Variants in TSKU observed in about 807,000 individuals in gnomAD.
The protein encoded by TSKU is tsukushi.
Under a neutral mutation model 11.2 loss-of-function variants are expected in TSKU, and 4 were observed. The ratio of observed to expected loss-of-function variants is 0.36; its 90% CI spans 0.18 to 0.82. TSKU has a LOEUF of 0.82. Among genes scored for constraint, TSKU ranks in the 40% least tolerant of loss-of-function variants. The pLI is 0.50. For synonymous variants in TSKU, 220 were observed against 232.2 expected (o/e 0.95, Z 0.48); for missense variants, 407 against 482.5 (o/e 0.84, Z 1.47).
At chr11:76,791,902 G>A (rs893914518) in intron 1 of TSKU, 2 of 152,270 alleles carry the variant, frequency 1.3e-5, no homozygotes, top group African/African-American at 4.8e-5. Context: ...GGAAATGTGG[G>A]GTTGGAGTAG....
intron 1 of TSKU, among the ~76,000 whole-genome samples, chr11:76,792,981 G>A (rs770786528): frequency 6.6e-5 from 10 of 152,322 alleles, no homozygotes; most frequent in Admixed American, 2.0e-4. Flanking sequence ...GTGACTGTGC[G>A]GACTAAATGA....
At position 76,797,008 on chromosome 11, in the gene TSKU, A is replaced by T; in HGVS notation, c.*330A>T. The stretch of plus-strand genomic sequence containing the variant: ...TGGGCCGGCCTGACCCGCAATGGGC[A>T]GAGGGTGGGTGGGACCCCCTGCTGC... On this transcript the variant is annotated 3_prime_UTR_variant, in exon 2 of 2. Transcript: ENST00000333090. 4 of 211,706 alleles carry T rather than the reference A, an allele frequency of 1.9e-5. No homozygotes were observed. Among genetic ancestry groups the T allele is most frequent in the Admixed American group, 5.6e-5 (1 of 17,912 alleles). 13.1% of individuals were successfully genotyped at this position (211,706 alleles called of 1,614,324 possible). A position where few individuals can be genotyped will look rare whatever the true frequency, so the allele number is the denominator to read the frequency against.
At chr11:76,782,645 A>T (rs1944247859), upstream of TSKU, 1 of 150,164 alleles carries the variant, frequency 6.7e-6, no homozygotes, top group Admixed American at 6.7e-5. Flanking sequence ...CTGCCTACTC[A>T]CACGCCAGTT....
At chr11:76,785,572 G>T (rs986640967) in intron 1 of TSKU, among the ~76,000 whole-genome samples, 1 of 152,188 alleles carries the variant, frequency 6.6e-6, no homozygotes, top group East Asian at 1.9e-4. Flanking sequence ...CAGCACAGGT[G>T]GTCAGCATGG....
chr11:76,796,139 C>T lies in TSKU; in HGVS notation c.523C>T (p.His175Tyr). Residue 175 changes from histidine to tyrosine, a missense_variant, in exon 2 of 2, where the codon CAC becomes TAC. Coordinates refer to ENST00000333090, the MANE Select transcript of TSKU (RefSeq NM_015516.4). This position sits in a 1 kb window ranked among gnomAD's most constrained non-coding sequence, Gnocchi z 4.1. ...SHNLIHRLVP[H>Y]PTRAGLPAPT... ...CAACCTCATTCACCGCCTCGTGCCC[C>T]ACCCCACGAGGGCCGGCCTGCCTGC... 2 of 1,613,858 alleles carry T rather than the reference C, an allele frequency of 1.2e-6. No homozygotes were observed. Among genetic ancestry groups the T allele is most frequent in the Non-Finnish European group, 1.7e-6 (2 of 1,180,030 alleles).
chr11:76,795,518 CT>C (rs775061839), intron 1 of TSKU, 90 bp from the exon 2 acceptor site: 11 of 1,475,252 alleles, frequency 7.5e-6, no homozygotes, highest in Non-Finnish European at 1.0e-5. Context: ...TCTGTGACAC[CT>C]TCCAACAGTG....
intron 1 of TSKU, among the ~76,000 whole-genome samples, chr11:76,788,337 G>A (rs1203434145): frequency 1.3e-5 from 2 of 152,096 alleles, no homozygotes; most frequent in Admixed American, 1.3e-4. Flanking sequence ...CAGAGATGCT[G>A]TAGTGCAGCA....
intron 1 of TSKU, among the ~76,000 whole-genome samples, chr11:76,793,879 C>T (rs1944406620): frequency 6.6e-6 from 1 of 152,118 alleles, no homozygotes; most frequent in Non-Finnish European, 1.5e-5. Flanking sequence ...TGGGCAAAGC[C>T]AGAGTGCAGA....
chr11:76,793,878 C>T (rs999749503), intron 1 of TSKU, among the ~76,000 whole-genome samples: 1 of 152,058 alleles, frequency 6.6e-6, no homozygotes, highest in Non-Finnish European at 1.5e-5. Context: ...CTGGGCAAAG[C>T]CAGAGTGCAG....
rs1248115880 is a variant in TSKU, at chr11:76,796,232, C to T, written c.616C>T (p.Pro206Ser). 1.2e-6 allele frequency: 2 copies of T among 1,613,638 alleles called. No homozygotes were observed. The highest frequency in any genetic ancestry group is 1.7e-5 in the Admixed American group (1 of 60,020). The change falls in exon 2 of 2, where the codon CCC becomes TCC. Residue 206 changes from proline to serine, a missense_variant. Transcript: ENST00000333090. This position sits in a 1 kb window ranked among gnomAD's most constrained non-coding sequence, Gnocchi z 4.1. ...TGCCGTGCCCAACCTCCGAGACTTG[C>T]CCCTGCGCTACCTGAGCCTGGATGG... The part of the protein sequence containing the change: ...LHAVPNLRDL[P>S]LRYLSLDGNP...
chr11:76,792,363 A>T (rs1311324234), intron 1 of TSKU: 1 of 152,244 alleles, frequency 6.6e-6, no homozygotes, highest in Non-Finnish European at 1.5e-5. Context: ...GACTTGTCTC[A>T]GATGAGACAT....
rs148755881 is a variant in TSKU at position 76,786,936 on chromosome 11, CT to C, written c.-9+3534del. On this transcript the variant is annotated intron_variant, in intron 1 of 1. Coordinates refer to ENST00000333090, the MANE Select transcript of TSKU (RefSeq NM_015516.4). ...ATTCTTCTCCATCTTCAGCCCCTGC[CT>C]TCCCTCAGGATTTGCTGGTGTCACA... 2.8e-3 allele frequency among the ~76,000 whole-genome samples: 431 copies of C among 152,308 alleles called. 9 individuals are homozygous for C. In the East Asian group the frequency reaches 0.066, roughly 23 times the overall value.
At chr11:76,784,021 G>GCCCTCC (rs979715181) in intron 1 of TSKU, 2 of 152,290 alleles carry the variant, frequency 1.3e-5, no homozygotes, top group Admixed American at 6.5e-5. Flanking sequence ...GGCGCAGACA[G>GCCCTCC]CCCTCCCCCT....
At chr11:76,785,153 G>A (rs2134383905) in intron 1 of TSKU, among the ~76,000 whole-genome samples, 1 of 152,334 alleles carries the variant, frequency 6.6e-6, no homozygotes, top group East Asian at 1.9e-4. Context: ...TCCAACACCA[G>A]GAAAGGCAAA....
At chr11:76,784,751 G>A (rs890573693) in intron 1 of TSKU, among the ~76,000 whole-genome samples, 5 of 135,178 alleles carry the variant, frequency 3.7e-5, no homozygotes, top group South Asian at 2.3e-4. Flanking sequence ...GGAGGTGGGG[G>A]GGGGGGGGTG....
chr11:76,782,305 C>T (rs1316747103), upstream of TSKU: 1 of 150,886 alleles, frequency 6.6e-6, no homozygotes, highest in African/African-American at 2.4e-5. Flanking sequence ...TGGGCCACTG[C>T]AGGAGGTACA....
chr11:76,786,757 G>T lies in TSKU; in HGVS notation c.-9+3353G>T, dbSNP rs577482728. On this transcript the variant is annotated intron_variant, in intron 1 of 1. Coordinates refer to ENST00000333090, the MANE Select transcript of TSKU (RefSeq NM_015516.4). ...ATGCTGAGCCCTCATTCTGTCACAG[G>T]CAACACAGCAGCTTTTGCCTGCTTT... Among the ~76,000 whole-genome samples, 38 of 152,318 alleles carry T rather than the reference G, an allele frequency of 2.5e-4. 2 individuals carry two copies. In the South Asian group the frequency reaches 7.7e-3, roughly 31 times the overall value.
At chr11:76,787,736 T>C (rs1149617) in intron 1 of TSKU, among the ~76,000 whole-genome samples, 21,338 of 151,808 alleles carry the variant, frequency 0.14, 2,026 homozygotes, top group East Asian at 0.41. Flanking sequence ...CTGCCCACAG[T>C]AGGATAGACA....
intron 1 of TSKU, among the ~76,000 whole-genome samples, chr11:76,786,472 A>T (rs1944313498): frequency 6.6e-6 from 1 of 152,226 alleles, no homozygotes; most frequent in Admixed American, 6.5e-5. Context: ...AGGTGGCTCT[A>T]GAAGAGTCAC....
Sources: allele counts gnomAD v4.1 joint callset (sites outside exome capture counted in the v4.1 genomes callset), GRCh38; gene constraint gnomAD v4.1.1; non-coding constraint Gnocchi (gnomAD v3.1); transcripts MANE v1.5; gene names NCBI Gene and HGNC (gene_info 2026-07-23, HGNC 2026-07-21).